MID1: variants seen among roughly 807,000 people sequenced by gnomAD.
MID1 encodes the protein midline 1, also known as E3 ubiquitin-protein ligase Midline-1.
Under a neutral mutation model 40.4 loss-of-function variants are expected in MID1, and 7 were observed. The ratio of observed to expected loss-of-function variants is 0.17; its 90% confidence interval spans 0.10 to 0.33. The LOEUF is 0.33. Among genes scored for constraint, MID1 ranks in the 10% least tolerant of loss-of-function variants. MID1 has a pLI of 1.00. For missense variants in MID1, 367 were observed against 558.5 expected, an observed-to-expected ratio of 0.66 and a Z score of 3.46; for synonymous variants, 229 against 221.2, an observed-to-expected ratio of 1.04 and a Z score of -0.31.
chrX:10,745,096 ACT>A (rs2043549320), intron 1 of MID1, among the ~76,000 whole-genome samples: 1 of 111,046 alleles, frequency 9.0e-6, no homozygotes, highest in African/African-American at 3.3e-5. Flanking sequence ...GAAGAATGAA[ACT>A]CTTAAGGTCA....
chrX:10,605,159 G>A (rs1254345769), intron 1 of MID1, among the ~76,000 whole-genome samples: 1 of 112,158 alleles, frequency 8.9e-6, no homozygotes, highest in Non-Finnish European at 1.9e-5. Context: ...GACATTATTA[G>A]GTTTATCCTA....
intron 1 of MID1, among the ~76,000 whole-genome samples, chrX:10,605,281 C>T (rs141755011): frequency 0.027 from 3,012 of 111,576 alleles, 70 homozygotes; most frequent in African/African-American, 0.085. Context: ...AATTAATTAA[C>T]CTCTTGGTCT....
At chrX:10,513,951 G>A (rs1451648714) in intron 3 of MID1, among the ~76,000 whole-genome samples, 2 of 112,385 alleles carry the variant, frequency 1.8e-5, no homozygotes, top group Non-Finnish European at 3.8e-5. Context: ...CTGTAATGGA[G>A]ACAGGATAAG....
chrX:10,804,584 T>G (rs995830388), intron 1 of MID1, among the ~76,000 whole-genome samples: 2 of 111,550 alleles, frequency 1.8e-5, no homozygotes, highest in African/African-American at 6.5e-5. Flanking sequence ...GTTATTTTGC[T>G]TGTAATTCAC....
At chrX:10,467,094 A>T (rs926523951) in intron 7 of MID1, among the ~76,000 whole-genome samples, 1 of 111,463 alleles carries the variant, frequency 9.0e-6, no homozygotes, top group African/African-American at 3.3e-5. Context: ...ACATCTATAG[A>T]AGATGGGATA....
intron 5 of MID1, among the ~76,000 whole-genome samples, chrX:10,475,714 G>A (rs1004247135): frequency 1.2e-4 from 13 of 112,079 alleles, no homozygotes; most frequent in Admixed American, 6.6e-4. Context: ...GGAGTATTGC[G>A]TAGGATGCTG....
intron 2 of MID1, among the ~76,000 whole-genome samples, chrX:10,524,072 C>A (rs983263954): frequency 2.7e-5 from 3 of 111,620 alleles, no homozygotes; most frequent in Non-Finnish European, 5.6e-5. Flanking sequence ...TTTTATTGTT[C>A]ATGCTTCTAT....
chrX:10,828,496 A>AT (rs1296709139), intron 1 of MID1, among the ~76,000 whole-genome samples: 1 of 111,316 alleles, frequency 9.0e-6, no homozygotes, highest in East Asian at 2.8e-4. Flanking sequence ...TGAAGTGAGT[A>AT]TTTTTTTGCT....
chrX:10,665,584 G>A (rs1486068502), intron 1 of MID1, among the ~76,000 whole-genome samples: 1 of 106,449 alleles, frequency 9.4e-6, no homozygotes, highest in African/African-American at 3.5e-5. Context: ...CTGGAGTGTA[G>A]TGGTGCAATC....
intron 1 of MID1, among the ~76,000 whole-genome samples, chrX:10,630,185 C>T (rs774577114): frequency 8.9e-6 from 1 of 111,782 alleles, no homozygotes; most frequent in Admixed American, 9.5e-5. Context: ...ATGAGCATAC[C>T]TTCTAGTGAA....
At chrX:10,461,753 G>A (rs980897507) in intron 7 of MID1, among the ~76,000 whole-genome samples, 1 of 112,171 alleles carries the variant, frequency 8.9e-6, no homozygotes, top group African/African-American at 3.2e-5. Flanking sequence ...AGTCAGCCAC[G>A]AATGAGAACA....
At chrX:10,617,312 G>C (rs1935855510) in intron 1 of MID1, among the ~76,000 whole-genome samples, 1 of 111,925 alleles carries the variant, frequency 8.9e-6, no homozygotes, top group Non-Finnish European at 1.9e-5. Flanking sequence ...GATCGTGTTT[G>C]TAAAGGACTT....
intron 1 of MID1, among the ~76,000 whole-genome samples, chrX:10,581,537 T>C (rs1935019882): frequency 9.0e-6 from 1 of 111,718 alleles, no homozygotes; most frequent in Non-Finnish European, 1.9e-5. Flanking sequence ...TGGTAGGGGA[T>C]GGGGGATTGG....
chrX:10,816,329 C>T (rs1373527687), intron 1 of MID1, among the ~76,000 whole-genome samples: 1 of 111,952 alleles, frequency 8.9e-6, no homozygotes, highest in Non-Finnish European at 1.9e-5. Context: ...CACGCATTCA[C>T]TGTTTGTTTC....
intron 1 of MID1, among the ~76,000 whole-genome samples, chrX:10,776,794 A>C (rs1400035590): frequency 3.6e-5 from 4 of 112,192 alleles, no homozygotes; most frequent in African/African-American, 1.3e-4. Context: ...AAAAAGTTTT[A>C]AAAATAAAAA....
intron 1 of MID1, among the ~76,000 whole-genome samples, chrX:10,657,618 C>T (rs2042883461): frequency 8.9e-6 from 1 of 111,777 alleles, no homozygotes; most frequent in Admixed American, 9.5e-5. Flanking sequence ...TGGGTGTGGG[C>T]ATCAGTCACT....
intron 1 of MID1, among the ~76,000 whole-genome samples, chrX:10,573,166 A>T (rs1011526334): frequency 1.8e-5 from 2 of 112,651 alleles, no homozygotes; most frequent in Non-Finnish European, 3.8e-5. Context: ...TAATAAGTAG[A>T]TGTTTTGCTG....
chrX:10,804,766 A>G (rs1397984671), intron 1 of MID1, among the ~76,000 whole-genome samples: 1 of 111,329 alleles, frequency 9.0e-6, no homozygotes, highest in Non-Finnish European at 1.9e-5. Flanking sequence ...CAGGAAAGCT[A>G]CAGAGGGCTG....
At position 10,448,038 on chromosome X, in the gene MID1, C is replaced by T. The variant is rs927910263; in HGVS notation, c.*1330G>A. The T allele has an allele frequency of 1.8e-5, 2 of 111,010 alleles. No homozygotes were observed. Among genetic ancestry groups the T allele is most frequent in the South Asian group, 3.8e-4 (1 of 2,625 alleles). 9.1% of individuals were successfully genotyped at this position (111,010 alleles called of 1,213,427 possible). A position where few individuals can be genotyped will look rare whatever the true frequency, so the allele number is the denominator to read the frequency against. On this transcript the variant is annotated 3_prime_UTR_variant, in exon 10 of 10. Coordinates refer to ENST00000317552, the MANE Select transcript of MID1 (RefSeq NM_000381.4). ...AGCCTTAATTCATGGACCATTCCAA[C>T]GCATCAGATTGGCATGCAAAGAATC...
Sources: gnomAD v4.1 joint callset for allele counts (sites outside exome capture counted in the v4.1 genomes callset) on GRCh38, gnomAD v4.1.1 for gene constraint, MANE v1.5 for transcripts, NCBI Gene and HGNC (gene_info 2026-07-23, HGNC 2026-07-21) for gene names.